Variants in COL18A1 observed in about 807,000 individuals in gnomAD.
The protein encoded by COL18A1 is collagen type XVIII alpha 1 chain, also known as collagen alpha-1(XVIII) chain.
In COL18A1, 133 loss-of-function variants were observed where a neutral mutation model predicts 168.0. The observed-to-expected ratio is 0.79, with a 90% confidence interval of 0.69 to 0.91. COL18A1 has a LOEUF of 0.91. Among genes scored for constraint, COL18A1 ranks in the 40% least tolerant of loss-of-function variants. The pLI, the probability that COL18A1 is intolerant of heterozygous loss-of-function variation, is 0.00. For synonymous variants in COL18A1, 949 were observed against 809.0 expected (o/e 1.17, Z -2.94); for missense variants, 2,126 against 1,925.4 (o/e 1.10, Z -1.95).
In COL18A1 at chr21:45,443,552, G is replaced by A. The variant is rs1396588479; in HGVS notation, c.107-24690G>A. On this transcript the variant is annotated intron_variant, in intron 2 of 41. Transcript: ENST00000651438. The surrounding 1 kb of genome is among the most constrained non-coding windows in gnomAD (Gnocchi z 5.2). ...TCCCTCCTTGCACTGTGGTCTCTCG[G>A]GACCTAGGAGGTCCCGGGGTGTGGA... Among the ~76,000 whole-genome samples, 1 of 152,074 alleles carries A rather than the reference G, an allele frequency of 6.6e-6. No individual in the cohort carries two copies. The highest frequency in any genetic ancestry group is 1.9e-4 in the East Asian group (1 of 5,170).
intron 2 of COL18A1, among the ~76,000 whole-genome samples, chr21:45,441,208 G>A (rs1390544579): frequency 6.6e-6 from 1 of 152,196 alleles, no homozygotes; most frequent in Non-Finnish European, 1.5e-5. Context: ...TACACACAGA[G>A]GCTGCTCCTG....
At chr21:45,413,058 C>A (rs1009464199) in intron 2 of COL18A1, among the ~76,000 whole-genome samples, 6 of 152,166 alleles carry the variant, frequency 3.9e-5, no homozygotes, top group African/African-American at 1.4e-4. Flanking sequence ...CATCACACAT[C>A]GGCTTCCTGG....
At position 45,496,681 on chromosome 21, in the gene COL18A1, G is replaced by T; in HGVS notation, c.2577+113G>T. 1.2e-5 allele frequency: 9 copies of T among 752,968 alleles called. No individual in the cohort carries two copies. The South Asian group carries it at 1.2e-4, about 10-fold the overall frequency. 46.6% of individuals were successfully genotyped at this position (752,968 alleles called of 1,614,324 possible). On this transcript the variant is annotated intron_variant, in intron 30 of 41. Coordinates refer to ENST00000651438, the MANE Select transcript of COL18A1 (RefSeq NM_001379500.1). ...GCCTCTGCGTCTGGGGGTCCTTCTAGGATGTGCCAGTCTGGTGGGCAGTGG... is the reference window on the plus strand; with the variant it reads ...GCCTCTGCGTCTGGGGGTCCTTCTATGATGTGCCAGTCTGGTGGGCAGTGG...
rs1462195716 is a variant in COL18A1 at position 45,473,322 on chromosome 21, G to A, written c.652-573G>A. On this transcript the variant is annotated intron_variant, in intron 3 of 41. Coordinates refer to ENST00000651438, the MANE Select transcript of COL18A1 (RefSeq NM_001379500.1). This position sits in a 1 kb window ranked among gnomAD's most constrained non-coding sequence, Gnocchi z 4.0. ...GAGCGGTGGGTAGGTGGGTGAGTGA[G>A]TGAGATTGGGTCCGGACGGAATGGG... 2.0e-5 allele frequency among the ~76,000 whole-genome samples: 3 copies of A among 152,246 alleles called. No individual in the cohort carries two copies. Among genetic ancestry groups the A allele is most frequent in the East Asian group, 1.9e-4 (1 of 5,188 alleles).
At chr21:45,411,861 A>G (rs117495584) in intron 2 of COL18A1, among the ~76,000 whole-genome samples, 2 of 151,894 alleles carry the variant, frequency 1.3e-5, no homozygotes, top group East Asian at 4.0e-4. Context: ...CTGCGGCCCA[A>G]ACGGCCAGGC....
At chr21:45,456,976 A>G in intron 2 of COL18A1, 1 of 1,031,800 alleles carries the variant, frequency 9.7e-7, no homozygotes, top group Non-Finnish European at 1.3e-6. Context: ...GGTTCCCCCC[A>G]CATCGAATCT....
chr21:45,482,025 G>C lies in COL18A1; in HGVS notation c.1674G>C (p.Leu558=). The C allele has an allele frequency of 6.2e-7, 1 of 1,612,802 alleles. No homozygotes were observed. Among genetic ancestry groups the C allele is most frequent in the Non-Finnish European group, 8.5e-7 (1 of 1,179,002 alleles). The change falls in exon 14 of 42, where the codon CTG becomes CTC. Residue 558 remains leucine (L), a splice_region_variant and synonymous_variant. Coordinates refer to ENST00000651438, the MANE Select transcript of COL18A1 (RefSeq NM_001379500.1). The stretch of plus-strand genomic sequence containing the variant: ...GAAGGACTGGGCAGAAAGGCAGCCT[G>C]GTAAGTCTTCCCTCGAGTCCAGGGT... The part of the protein sequence containing the change: ...PPGRTGQKGS[L]GEAGAPGHKG...
At chr21:45,480,301 C>T in intron 11 of COL18A1, 145 bp downstream of exon 11, 5 of 1,312,126 alleles carry the variant, frequency 3.8e-6, no homozygotes, top group African/African-American at 1.5e-5. Flanking sequence ...GTGGTGGGAG[C>T]CCCCATCCAC....
At chr21:45,492,439 C>G (rs2036384710) in intron 22 of COL18A1, 96 bp from the exon 23 acceptor site, 19 of 1,451,022 alleles carry the variant, frequency 1.3e-5, no homozygotes, top group Non-Finnish European at 1.8e-5. Flanking sequence ...CTTGAATTTC[C>G]TGGTTTGGTG....
At chr21:45,416,599 T>C (rs748937118) in intron 2 of COL18A1, among the ~76,000 whole-genome samples, 35 of 152,168 alleles carry the variant, frequency 2.3e-4, no homozygotes, top group Non-Finnish European at 3.1e-4. Flanking sequence ...CAGTGTGCTC[T>C]CCTGGACCGC....
At chr21:45,437,495 C>G (rs1260371681) in intron 2 of COL18A1, among the ~76,000 whole-genome samples, 3 of 85,196 alleles carry the variant, frequency 3.5e-5, no homozygotes, top group Non-Finnish European at 6.7e-5. Context: ...CTCACACTCA[C>G]ACACAGGCAC....
intron 34 of COL18A1, 152 bp downstream of exon 34, chr21:45,504,708 ACGCAG>A: frequency 1.4e-6 from 1 of 703,870 alleles, no homozygotes; most frequent in Non-Finnish European, 2.4e-6. Context: ...CCGTGTGGGG[ACGCAG>A]CAGGCCACAT....
At position 45,480,729 on chromosome 21, in the gene COL18A1, A is replaced by G; in HGVS notation, c.1482A>G (p.Gly494=). The change falls in exon 13 of 42, where the codon GGA becomes GGG. Residue 494 remains glycine (G), a synonymous_variant. Coordinates refer to ENST00000651438, the MANE Select transcript of COL18A1 (RefSeq NM_001379500.1). ...CTCGAGGCTTCCCTGGACCTCCCGG[A>G]CCCCCCGGTGTCCCAGGCCTGCCCG... ...RGPRGFPGPP[G]PPGVPGLPGE... is the part of the protein sequence containing the mutation. 2 of 1,609,218 alleles carry G rather than the reference A, an allele frequency of 1.2e-6. No homozygotes were observed. Among genetic ancestry groups the G allele is most frequent in the Non-Finnish European group, 1.7e-6 (2 of 1,179,650 alleles).
intron 31 of COL18A1, 128 bp from the exon 32 acceptor site, chr21:45,497,471 G>A (rs1302110798): frequency 4.7e-6 from 6 of 1,284,944 alleles, no homozygotes; most frequent in Admixed American, 2.0e-5. Context: ...TACCCTGACT[G>A]TCCCCATGTC....
At chr21:45,493,403 G>A (rs116886828) in intron 25 of COL18A1, 98 bp from the exon 26 acceptor site, 10 of 1,320,134 alleles carry the variant, frequency 7.6e-6, no homozygotes, top group South Asian at 1.3e-5. Context: ...GACCCAGCCT[G>A]CGAGGCCCAG....
chr21:45,454,539 G>A (rs557912772), intron 2 of COL18A1, among the ~76,000 whole-genome samples: 107 of 152,338 alleles, frequency 7.0e-4, no homozygotes, highest in Non-Finnish European at 1.1e-3. Context: ...GAGTGAGCAC[G>A]CCTGTGTAAA....
intron 2 of COL18A1, among the ~76,000 whole-genome samples, chr21:45,452,455 A>G (rs2034643275): frequency 6.6e-6 from 1 of 150,926 alleles, no homozygotes; most frequent in Non-Finnish European, 1.5e-5. Context: ...CTCACGTGTG[A>G]CATGTGAGCA....
chr21:45,496,494 C>A lies in COL18A1; in HGVS notation c.2509-6C>A. 1 of 1,334,962 alleles carries A rather than the reference C, an allele frequency of 7.5e-7. No individual in the cohort carries two copies. Among genetic ancestry groups the A allele is most frequent in the Non-Finnish European group, 1.1e-6 (1 of 925,592 alleles). 82.7% of individuals were successfully genotyped at this position (1,334,962 alleles called of 1,614,324 possible). ...TAAGCCTAACAGCTCTCTGCCCTCC[C>A]CACAGGGAATGCCCGGCCCCCCAGG... On this transcript the variant is annotated splice_polypyrimidine_tract_variant and splice_region_variant and intron_variant, in intron 29 of 41. Coordinates refer to ENST00000651438, the MANE Select transcript of COL18A1 (RefSeq NM_001379500.1).
intron 32 of COL18A1, among the ~76,000 whole-genome samples, chr21:45,499,156 A>G (rs986810284): frequency 2.6e-5 from 4 of 152,240 alleles, no homozygotes; most frequent in Admixed American, 6.5e-5. Flanking sequence ...AAAATATCCA[A>G]GAAAGTCAAT....
Sources: allele counts gnomAD v4.1 joint callset (sites outside exome capture counted in the v4.1 genomes callset), GRCh38; gene constraint gnomAD v4.1.1; non-coding constraint Gnocchi (gnomAD v3.1); transcripts MANE v1.5; gene names NCBI Gene and HGNC (gene_info 2026-07-23, HGNC 2026-07-21).